The following AHI1 variants were observed in gnomAD, a reference collection of about 807,000 sequenced individuals.
AHI1 encodes the protein jouberin.
In AHI1, 123 loss-of-function variants were observed where a neutral mutation model predicts 149.3. That is an observed-to-expected ratio of 0.82 (90% CI 0.71 to 0.96). The LOEUF (loss-of-function observed/expected upper bound fraction) is 0.96. Ranked by LOEUF, AHI1 falls within the 40% of genes least tolerant of loss-of-function variation. AHI1 has a pLI of 0.00. For synonymous variants in AHI1, 475 were observed against 459.8 expected (o/e 1.03, Z -0.42); for missense variants, 1,439 against 1,422.7 (o/e 1.01, Z -0.18).
chr6:135,411,566 T>C lies in AHI1; in HGVS notation c.2765-22A>G, dbSNP rs1187819558. 2.6e-6 allele frequency: 4 copies of C among 1,528,054 alleles called. No homozygotes were observed. The East Asian group carries it at 6.8e-5, about 26-fold the overall frequency. The allele number at this position is 1,528,054 out of a possible 1,614,324, so 94.7% of individuals were successfully genotyped here. On this transcript the variant is annotated intron_variant, in intron 20 of 28. Coordinates refer to ENST00000265602, the MANE Select transcript of AHI1 (RefSeq NM_001134831.2). ...GCAACTGAAGAAATGAATCCATAAT[T>C]AGTTAAATCATCATAGCAAAAGCAT...
chr6:135,382,122 AATAAG>A (rs1466644430), intron 23 of AHI1, among the ~76,000 whole-genome samples: 1 of 152,220 alleles, frequency 6.6e-6, no homozygotes, highest in East Asian at 1.9e-4. Flanking sequence ...AATTGTCTGA[AATAAG>A]AACAATGTTC....
At chr6:135,483,953 C>A (rs540737832) in intron 5 of AHI1, among the ~76,000 whole-genome samples, 1 of 152,142 alleles carries the variant, frequency 6.6e-6, no homozygotes, top group Non-Finnish European at 1.5e-5. Flanking sequence ...ATTTTCACAC[C>A]GCTGATAAAG....
At chr6:135,290,943 A>G (rs1052473519) in intron 27 of AHI1, among the ~76,000 whole-genome samples, 1 of 119,632 alleles carries the variant, frequency 8.4e-6, no homozygotes, top group Admixed American at 7.5e-5. Context: ...CACACACACA[A>G]AAGTATAGGA....
At chr6:135,447,251 T>C in intron 12 of AHI1, 91 bp from the exon 13 acceptor site, 2 of 839,628 alleles carry the variant, frequency 2.4e-6, no homozygotes, top group Non-Finnish European at 1.6e-6. Flanking sequence ...AAACAAATAA[T>C]ATGAAAATAT....
At chr6:135,446,485 T>A (rs952460485) in intron 13 of AHI1, among the ~76,000 whole-genome samples, 1 of 152,186 alleles carries the variant, frequency 6.6e-6, no homozygotes, top group Non-Finnish European at 1.5e-5. Context: ...TAATCCCCTA[T>A]GTGATAGTAT....
At chr6:135,490,499 G>A in intron 5 of AHI1, 124 bp downstream of exon 5, 4 of 1,120,178 alleles carry the variant, frequency 3.6e-6, no homozygotes, top group Non-Finnish European at 5.3e-6. Context: ...ACATGTTATT[G>A]ACCATGACAT....
chr6:135,302,189 T>C (rs1783962865), intron 26 of AHI1: 2 of 985,382 alleles, frequency 2.0e-6, no homozygotes, highest in Non-Finnish European at 2.4e-6. Context: ...CATTTTTCTC[T>C]CTTTGCCCAT....
At chr6:135,410,228 G>T (rs1781388297) in intron 21 of AHI1, among the ~76,000 whole-genome samples, 1 of 152,108 alleles carries the variant, frequency 6.6e-6, no homozygotes, top group South Asian at 2.1e-4. Context: ...TAATTAGCCA[G>T]GCCTGGTGGT....
chr6:135,376,921 A>AAAAAAAAAAG (rs1776025303), intron 23 of AHI1, among the ~76,000 whole-genome samples: 1 of 128,798 alleles, frequency 7.8e-6, no homozygotes, highest in African/African-American at 2.8e-5. Flanking sequence ...AAAAAAAAAA[A>AAAAAAAAAAG]GTTGGTCCAG....
intron 3 of AHI1, among the ~76,000 whole-genome samples, chr6:135,493,278 C>T (rs753828413): frequency 6.6e-6 from 1 of 152,162 alleles, no homozygotes; most frequent in Admixed American, 6.5e-5. Flanking sequence ...GGATTACAGG[C>T]GTGAGCCACC....
chr6:135,327,906 G>A (rs1371496138), intron 24 of AHI1, among the ~76,000 whole-genome samples: 4 of 152,156 alleles, frequency 2.6e-5, no homozygotes, highest in Admixed American at 6.5e-5. Context: ...ATCGCTCTAC[G>A]TATCTCTTCA....
intron 26 of AHI1, among the ~76,000 whole-genome samples, chr6:135,308,408 G>A (rs1296419608): frequency 6.6e-6 from 1 of 152,050 alleles, no homozygotes; most frequent in East Asian, 1.9e-4. Flanking sequence ...GATAATTTTT[G>A]TACGTTTTAT....
intron 8 of AHI1, among the ~76,000 whole-genome samples, chr6:135,458,207 G>A (rs1403031089): frequency 2.6e-5 from 4 of 152,228 alleles, no homozygotes; most frequent in African/African-American, 4.8e-5. Context: ...GGGAGAATCA[G>A]TCAGAGGTCA....
Position 135,492,294 on chromosome 6 carries a change from A to G in AHI1, c.-54-3T>C, listed in dbSNP as rs1795356832. 2 of 1,505,028 alleles carry G rather than the reference A, an allele frequency of 1.3e-6. No individual in the cohort carries two copies. The highest frequency in any genetic ancestry group is 2.8e-5 in the African/African-American group (2 of 71,730). The allele number at this position is 1,505,028 out of a possible 1,614,324, so 93.2% of individuals were successfully genotyped here. On this transcript the variant is annotated splice_polypyrimidine_tract_variant and splice_region_variant and intron_variant, in intron 3 of 28. Transcript: ENST00000265602. The stretch of plus-strand genomic sequence containing the variant: ...AAAGCATTGACTCAATCAGGATCCT[A>G]TCGAAACAAAGGAGATGTATTTGTA...
intron 14 of AHI1, among the ~76,000 whole-genome samples, chr6:135,439,750 TG>T (rs1405571783): frequency 4.6e-5 from 7 of 152,132 alleles, no homozygotes; most frequent in African/African-American, 1.7e-4. Context: ...AATCTGTGGG[TG>T]GAAAGCATGA....
chr6:135,300,053 G>A (rs1783656133), intron 27 of AHI1, among the ~76,000 whole-genome samples: 1 of 152,130 alleles, frequency 6.6e-6, no homozygotes, highest in African/African-American at 2.4e-5. Flanking sequence ...AGCCAGGCAT[G>A]GTGGCTCATG....
intron 5 of AHI1, among the ~76,000 whole-genome samples, chr6:135,468,989 T>C (rs1791259871): frequency 1.3e-5 from 2 of 152,202 alleles, no homozygotes; most frequent in South Asian, 4.1e-4. Context: ...GGAGGGACTA[T>C]TTCCTAACTC....
At chr6:135,368,083 G>A (rs1774450415) in intron 23 of AHI1, among the ~76,000 whole-genome samples, 1 of 152,188 alleles carries the variant, frequency 6.6e-6, no homozygotes, top group Admixed American at 6.5e-5. Context: ...TAAGGATGGG[G>A]CTTCCTGAGA....
At chr6:135,428,597 C>G (rs1040432018) in intron 19 of AHI1, 32 bp downstream of exon 19, 1 of 1,584,632 alleles carries the variant, frequency 6.3e-7, no homozygotes, top group South Asian at 1.2e-5. Flanking sequence ...TGTACCTCCC[C>G]AAATGATTTT....
Sources: gnomAD v4.1 joint callset for allele counts (sites outside exome capture counted in the v4.1 genomes callset) on GRCh38, gnomAD v4.1.1 for gene constraint, MANE v1.5 for transcripts, NCBI Gene and HGNC (gene_info 2026-07-23, HGNC 2026-07-21) for gene names.